Variants in CACNA1B observed in about 807,000 individuals in gnomAD.
The protein encoded by CACNA1B is voltage-dependent N-type calcium channel subunit alpha-1B.
A neutral mutation model predicts 247.2 loss-of-function variants in CACNA1B; 70 were observed. That is an observed-to-expected ratio of 0.28 (90% CI 0.23 to 0.35). The LOEUF is 0.35. Among genes scored for constraint, CACNA1B ranks in the 10% least tolerant of loss-of-function variants. The pLI, the probability that CACNA1B is intolerant of heterozygous loss-of-function variation, is 1.00. For synonymous variants in CACNA1B, 1,231 were observed against 1,294.4 expected (o/e 0.95, Z 1.05); for missense variants, 2,367 against 3,197.4 (o/e 0.74, Z 6.26).
chr9:138,084,252 A>G (rs962404185), intron 36 of CACNA1B, among the ~76,000 whole-genome samples: 1 of 151,290 alleles, frequency 6.6e-6, no homozygotes. Context: ...CACCAGCTCC[A>G]CAGCCACTCT....
intron 36 of CACNA1B, among the ~76,000 whole-genome samples, chr9:138,085,111 A>T (rs1194937378): frequency 6.6e-6 from 1 of 150,996 alleles, no homozygotes; most frequent in Non-Finnish European, 1.5e-5. Context: ...ATACAGATAG[A>T]CAATGCAATG....
At chr9:137,966,348 C>T (rs887187064) in intron 10 of CACNA1B, among the ~76,000 whole-genome samples, 4 of 151,096 alleles carry the variant, frequency 2.6e-5, no homozygotes, top group Non-Finnish European at 5.9e-5. Context: ...CCTCAGCCTC[C>T]TGAGTAGCTG....
intron 12 of CACNA1B, among the ~76,000 whole-genome samples, chr9:137,980,969 A>C (rs984357959): frequency 6.6e-6 from 1 of 152,224 alleles, no homozygotes. Flanking sequence ...GAACAAATGC[A>C]TGTGTCTTTT....
chr9:138,119,077 C>T (rs1961981432), intron 44 of CACNA1B, among the ~76,000 whole-genome samples: 1 of 152,134 alleles, frequency 6.6e-6, no homozygotes, highest in African/African-American at 2.4e-5. Flanking sequence ...CCCACTCTGG[C>T]TCAGCCACGT....
intron 6 of CACNA1B, among the ~76,000 whole-genome samples, chr9:137,949,972 A>T (rs1957860702): frequency 6.6e-6 from 1 of 152,190 alleles, no homozygotes; most frequent in South Asian, 2.1e-4. Flanking sequence ...GGTTCTTAGT[A>T]TGACAAGTGA....
rs572172486 is a variant in CACNA1B, at chr9:138,010,809, C to G, written c.2160+732C>G. 6.6e-6 allele frequency among the ~76,000 whole-genome samples: 1 copy of G among 152,222 alleles called. No homozygotes were observed. Among genetic ancestry groups the G allele is most frequent in the Non-Finnish European group, 1.5e-5 (1 of 68,034 alleles). On this transcript the variant is annotated intron_variant, in intron 17 of 46. Coordinates refer to ENST00000371372, the MANE Select transcript of CACNA1B (RefSeq NM_000718.4). This position sits in a 1 kb window ranked among gnomAD's most constrained non-coding sequence, Gnocchi z 5.3. ...CACCTGTGCATGTCTAGGGGTCTGA[C>G]ACAGTTCTGTCACTCCAGTCCAGTG...
At chr9:137,968,276 C>A (rs1247063609) in intron 10 of CACNA1B, among the ~76,000 whole-genome samples, 1 of 152,204 alleles carries the variant, frequency 6.6e-6, no homozygotes, top group East Asian at 1.9e-4. Flanking sequence ...CTGCTTGGTG[C>A]CCTCGACTGC....
At chr9:138,043,049 T>G (rs17065807) in intron 20 of CACNA1B, among the ~76,000 whole-genome samples, 1 of 152,184 alleles carries the variant, frequency 6.6e-6, no homozygotes, top group Non-Finnish European at 1.5e-5. Flanking sequence ...TGAAGAATTA[T>G]TGTGAGAAAA....
intron 6 of CACNA1B, among the ~76,000 whole-genome samples, chr9:137,921,590 C>T: frequency 6.9e-6 from 1 of 144,152 alleles, no homozygotes; most frequent in Admixed American, 6.9e-5. Context: ...ACATGATCAA[C>T]ACCACGACCG....
intron 36 of CACNA1B, among the ~76,000 whole-genome samples, chr9:138,088,406 C>A (rs1021961477): frequency 4.6e-5 from 7 of 151,520 alleles, no homozygotes; most frequent in African/African-American, 1.2e-4. Flanking sequence ...AGATAATTGA[C>A]AAACCATTAG....
chr9:138,023,553 C>G lies in CACNA1B; in HGVS notation c.2810C>G (p.Ala937Gly). 1 of 1,086,374 alleles carries G rather than the reference C, an allele frequency of 9.2e-7. No individual in the cohort carries two copies. Among genetic ancestry groups the G allele is most frequent in the Admixed American group, 4.5e-5 (1 of 22,074 alleles). The allele number at this position is 1,086,374 out of a possible 1,614,324, so 67.3% of individuals were successfully genotyped here. A position where few individuals can be genotyped will look rare whatever the true frequency, so the allele number is the denominator to read the frequency against. ...GAGCGGGAGCCCCGACGCCACCGCG[C>G]GCACCGGCACCAGGATCCGAGCAAG... Reference protein sequence around the residue: ...AAEREPRRHRAHRHQDPSKEC... With the variant: ...AAEREPRRHRGHRHQDPSKEC... Residue 937 changes from alanine to glycine, a missense_variant, in exon 19 of 47, where the codon GCG (alanine) becomes GGG (glycine). Around this residue, in one of 12 missense-constraint regions of CACNA1B, gnomAD observed 631 missense variants for 631.1 expected, o/e 1.00. Transcript: ENST00000371372.
At chr9:138,003,536 A>G (rs543810443) in intron 15 of CACNA1B, among the ~76,000 whole-genome samples, 5 of 152,224 alleles carry the variant, frequency 3.3e-5, no homozygotes, top group African/African-American at 1.2e-4. Flanking sequence ...GACTGATAAG[A>G]CTGATATTTA....
In CACNA1B at chr9:138,107,251, TTTATTTATTTATTTA is replaced by T. The variant is rs1367107479; in HGVS notation, c.5428+1446_5428+1460del. Among the ~76,000 whole-genome samples, 65 of 102,694 alleles carry T rather than the reference TTTATTTATTTATTTA, an allele frequency of 6.3e-4. No individual in the cohort carries two copies. In the East Asian group the frequency reaches 0.011, roughly 17 times the overall value. 67.4% of individuals were successfully genotyped at this position (102,694 alleles called of 152,430 possible). A position where few individuals can be genotyped will look rare whatever the true frequency, so the allele number is the denominator to read the frequency against. ...ATTTATTTATTTATTTATTTATTTA[TTTATTTATTTATTTA>T]TATAGGGTCTCACTGTGTCACCCAG... On this transcript the variant is annotated intron_variant, in intron 39 of 46. Coordinates refer to ENST00000371372, the MANE Select transcript of CACNA1B (RefSeq NM_000718.4).
intron 38 of CACNA1B, among the ~76,000 whole-genome samples, chr9:138,103,871 C>G (rs550754016): frequency 6.6e-6 from 1 of 152,386 alleles, no homozygotes; most frequent in East Asian, 1.9e-4. Flanking sequence ...CTTTGTCACC[C>G]GACTCAGTGC....
At chr9:138,067,061 A>AATG (rs1194833295) in intron 31 of CACNA1B, among the ~76,000 whole-genome samples, 1 of 152,212 alleles carries the variant, frequency 6.6e-6, no homozygotes, top group East Asian at 1.9e-4. Context: ...TACAGGAGAG[A>AATG]GTAACGTGAA....
intron 22 of CACNA1B, 102 bp downstream of exon 22, chr9:138,047,135 C>A: frequency 9.1e-7 from 1 of 1,096,148 alleles, no homozygotes; most frequent in Non-Finnish European, 1.3e-6. Context: ...GTCCTGTCGT[C>A]TCACAGGGCA....
At chr9:138,092,894 C>T (rs1161074554) in intron 36 of CACNA1B, among the ~76,000 whole-genome samples, 1 of 152,220 alleles carries the variant, frequency 6.6e-6, no homozygotes, top group East Asian at 1.9e-4. Context: ...TCCTGCACAG[C>T]CAGTGAAATA....
intron 15 of CACNA1B, among the ~76,000 whole-genome samples, chr9:137,988,491 G>T (rs887066151): frequency 2.6e-5 from 4 of 152,138 alleles, no homozygotes. Context: ...AGTTGAAGTT[G>T]GGAGGAAAGT....
intron 39 of CACNA1B, among the ~76,000 whole-genome samples, chr9:138,107,587 C>T (rs1423873667): frequency 6.6e-6 from 1 of 152,138 alleles, no homozygotes; most frequent in African/African-American, 2.4e-5. Flanking sequence ...ATTGCCGCCT[C>T]CTCTGGCTCT....
Sources: allele counts gnomAD v4.1 joint callset (sites outside exome capture counted in the v4.1 genomes callset), GRCh38; gene constraint gnomAD v4.1.1; regional missense constraint gnomAD v4.1.1; non-coding constraint Gnocchi (gnomAD v3.1); transcripts MANE v1.5; gene names NCBI Gene and HGNC (gene_info 2026-07-23, HGNC 2026-07-21).